Variants in FSIP2 observed in about 807,000 individuals in gnomAD.
FSIP2 encodes the protein fibrous sheath-interacting protein 2.
Under a neutral mutation model 510.5 loss-of-function variants are expected in FSIP2, and 367 were observed. The ratio of observed to expected loss-of-function variants is 0.72; its 90% CI spans 0.66 to 0.78. The LOEUF (loss-of-function observed/expected upper bound fraction) is 0.78, where lower values mean the gene tolerates loss of function less well. Among genes scored for constraint, FSIP2 ranks in the 30% least tolerant of loss-of-function variants. FSIP2 has a pLI of 0.00. For missense variants in FSIP2, 7,594 were observed against 7,901.7 expected (o/e 0.96, Z 1.48); for synonymous variants, 2,601 against 2,732.2 (o/e 0.95, Z 1.50).
chr2:185,808,876 CAT>C lies in FSIP2; in HGVS notation c.19571_19572del (p.His6524ArgfsTer28). Reference sequence around the variant, plus strand: ...GGAATCTCCAATTAAAATAGTTCCACATGTTGGAAAAAAACCAGTCAAAATAG... The same window carrying C: ...GGAATCTCCAATTAAAATAGTTCCACGTTGGAAAAAAACCAGTCAAAATAG... ...EEESPIKIVP[H>X]VGKKPVKIDP... On this transcript the variant is annotated frameshift_variant, in exon 17 of 23. Transcript: ENST00000424728. LOFTEE classifies it high-confidence loss of function. 6.2e-7 allele frequency: 1 copy of C among 1,608,322 alleles called. No individual in the cohort carries two copies. Among genetic ancestry groups the C allele is most frequent in the Non-Finnish European group, 8.5e-7 (1 of 1,178,272 alleles).
rs186689390 is a variant in FSIP2, at chr2:185,790,501, C to G, written c.3365C>G (p.Ser1122Cys). Residue 1122 changes from serine (S) to cysteine (C), a missense_variant, in exon 16 of 23, where the codon TCT becomes TGT. By Grantham distance (112) the Ser-to-Cys change is moderately radical. Coordinates refer to ENST00000424728, the MANE Select transcript of FSIP2 (RefSeq NM_173651.4). ...TTAAAGGAAATGCTCAAGGACATAT[C>G]TTCCGTTCCTTTTGGTCACTTAGAC... ...SILKEMLKDI[S>C]SVPFGHLDSK... 83 of 1,534,176 alleles carry G rather than the reference C, an allele frequency of 5.4e-5. No individual in the cohort carries two copies. The East Asian group carries it at 2.0e-3, about 37-fold the overall frequency.
intron 7 of FSIP2, among the ~76,000 whole-genome samples, chr2:185,747,753 T>C (rs1692062270): frequency 6.6e-6 from 1 of 152,120 alleles, no homozygotes; most frequent in South Asian, 2.1e-4. Context: ...CCAGTTAATT[T>C]TATTTAGCTT....
In FSIP2 at chr2:185,804,543, GTCT is replaced by G. The variant is rs976338016; in HGVS notation, c.15245_15247del (p.Ser5082del). 1.1e-5 allele frequency: 17 copies of G among 1,523,670 alleles called. No individual in the cohort carries two copies. Among genetic ancestry groups the G allele is most frequent in the African/African-American group, 1.4e-5 (1 of 72,440 alleles). The allele number at this position is 1,523,670 out of a possible 1,614,324, so 94.4% of individuals were successfully genotyped here. On this transcript the variant is annotated inframe_deletion, in exon 17 of 23. Coordinates refer to ENST00000424728, the MANE Select transcript of FSIP2 (RefSeq NM_173651.4). ...AGTCATTAGTTTCAGGAGAATTAGA[GTCT>G]TCTTCTTATTCGTATCCCCAAGCTG...
chr2:185,782,589 G>T, intron 13 of FSIP2, 116 bp from the exon 14 acceptor site: 1 of 684,444 alleles, frequency 1.5e-6, no homozygotes, highest in Non-Finnish European at 2.6e-6. Context: ...GAGAGTCCCT[G>T]AAAGCCTGTA....
intron 9 of FSIP2, among the ~76,000 whole-genome samples, chr2:185,759,927 T>G (rs551375145): frequency 1.5e-4 from 22 of 150,504 alleles, no homozygotes; most frequent in Admixed American, 4.7e-4. Context: ...GTGGAAAGGT[T>G]TAAACCTCAT....
chr2:185,761,925 G>T, intron 10 of FSIP2, 47 bp from the exon 11 acceptor site: 1 of 1,018,234 alleles, frequency 9.8e-7, no homozygotes, highest in Non-Finnish European at 1.4e-6. Flanking sequence ...TTTTTTGGAA[G>T]TACAGTTACT....
chr2:185,794,187 T>C lies in FSIP2; in HGVS notation c.7051T>C (p.Tyr2351His). 6.5e-7 allele frequency: 1 copy of C among 1,534,658 alleles called. No individual in the cohort carries two copies. The highest frequency in any genetic ancestry group is 8.7e-7 in the Non-Finnish European group (1 of 1,145,924). ...IHLSQARLKTYADVIASAILK... is the reference protein window; with the variant it reads ...IHLSQARLKTHADVIASAILK... Reference sequence around the variant, plus strand: ...CCTATCGCAAGCTAGGCTTAAGACATATGCTGACGTCATTGCCAGTGCCAT... The same window carrying C: ...CCTATCGCAAGCTAGGCTTAAGACACATGCTGACGTCATTGCCAGTGCCAT... Residue 2351 changes from tyrosine to histidine, a missense_variant, in exon 16 of 23, where the codon TAT becomes CAT. Transcript: ENST00000424728.
chr2:185,739,319 A>C lies in FSIP2; in HGVS notation c.100-27A>C, dbSNP rs758178280. Reference sequence around the variant, plus strand: ...AAACTAATACTGCCTAAAAGGAAAGACAAAACTCTCCAATTGTGTCTGACA... The same window carrying C: ...AAACTAATACTGCCTAAAAGGAAAGCCAAAACTCTCCAATTGTGTCTGACA... On this transcript the variant is annotated intron_variant, in intron 1 of 22. Transcript: ENST00000424728. 9 of 1,507,964 alleles carry C rather than the reference A, an allele frequency of 6.0e-6. No individual in the cohort carries two copies. In the South Asian group the frequency reaches 1.1e-4, roughly 19 times the overall value. The allele number at this position is 1,507,964 out of a possible 1,614,324, so 93.4% of individuals were successfully genotyped here.
At position 185,800,164 on chromosome 2, in the gene FSIP2, G is replaced by C. The variant is rs958702314; in HGVS notation, c.10858G>C (p.Glu3620Gln). The C allele has an allele frequency of 1.1e-5, 17 of 1,533,188 alleles. No individual in the cohort carries two copies. Among genetic ancestry groups the C allele is most frequent in the African/African-American group, 1.4e-5 (1 of 72,816 alleles). The allele number at this position is 1,533,188 out of a possible 1,614,324, so 95.0% of individuals were successfully genotyped here. A position where few individuals can be genotyped will look rare whatever the true frequency, so the allele number is the denominator to read the frequency against. The change falls in exon 17 of 23, where the codon GAA (glutamate) becomes CAA (glutamine). Residue 3620 changes from glutamate (E) to glutamine (Q), a missense_variant. Glu to Gln is a conservative substitution (Grantham distance 29, BLOSUM62 2). Transcript: ENST00000424728. ...GVIHVLSKEI[E>Q]VDYHFESNVR... ...GATTCATGTACTGTCCAAAGAAATA[G>C]AAGTAGATTATCACTTTGAAAGCAA...
rs1489131208 is a variant in FSIP2, at chr2:185,803,200, A to G, written c.13894A>G (p.Arg4632Gly). 1.3e-6 allele frequency: 2 copies of G among 1,532,632 alleles called. No individual in the cohort carries two copies. Among genetic ancestry groups the G allele is most frequent in the Admixed American group, 3.9e-5 (2 of 50,696 alleles). 94.9% of individuals were successfully genotyped at this position (1,532,632 alleles called of 1,614,324 possible). Residue 4632 changes from arginine (R) to glycine (G), a missense_variant, in exon 17 of 23, where the codon AGA becomes GGA. By Grantham distance (125) the Arg-to-Gly change is moderately radical. Transcript: ENST00000424728. ...GGAAGATGTAATCTCTGGGGTTTTAAGAAAAATATTCCACAGGGTAGTAGG... is the reference window on the plus strand; with the variant it reads ...GGAAGATGTAATCTCTGGGGTTTTAGGAAAAATATTCCACAGGGTAGTAGG... ...FLEDVISGVLRKIFHRVVGIV... is the reference protein window; with the variant it reads ...FLEDVISGVLGKIFHRVVGIV...
chr2:185,767,431 T>C (rs984491155), intron 13 of FSIP2, among the ~76,000 whole-genome samples: 2 of 152,174 alleles, frequency 1.3e-5, no homozygotes, highest in African/African-American at 4.8e-5. Context: ...TCTTCCACAC[T>C]TATTCATCTT....
intron 2 of FSIP2, among the ~76,000 whole-genome samples, chr2:185,740,899 C>G (rs1221390461): frequency 6.6e-6 from 1 of 152,054 alleles, no homozygotes; most frequent in African/African-American, 2.4e-5. Context: ...TGGGGGCATA[C>G]AGTCAATCTA....
Position 185,791,071 on chromosome 2 carries a change from T to C in FSIP2, c.3935T>C (p.Leu1312Pro), listed in dbSNP as rs1559026187. The part of the protein sequence containing the change: ...VLCAIQNELE[L>P]HKENLNLREI... ...TGTGCTATCCAGAATGAACTGGAAC[T>C]TCACAAGGAAAACCTAAATCTTAGG... Residue 1312 changes from leucine to proline, a missense_variant, in exon 16 of 23, where the codon CTT becomes CCT. Coordinates refer to ENST00000424728, the MANE Select transcript of FSIP2 (RefSeq NM_173651.4). 1 of 1,531,960 alleles carries C rather than the reference T, an allele frequency of 6.5e-7. No homozygotes were observed. Among genetic ancestry groups the C allele is most frequent in the Non-Finnish European group, 8.7e-7 (1 of 1,144,782 alleles). The allele number at this position is 1,531,960 out of a possible 1,614,324, so 94.9% of individuals were successfully genotyped here. A position where few individuals can be genotyped will look rare whatever the true frequency, so the allele number is the denominator to read the frequency against.
Position 185,792,144 on chromosome 2 carries a change from G to A in FSIP2, c.5008G>A (p.Glu1670Lys), listed in dbSNP as rs537101903. 1.2e-5 allele frequency: 18 copies of A among 1,533,330 alleles called. No homozygotes were observed. Among genetic ancestry groups the A allele is most frequent in the African/African-American group, 4.1e-5 (3 of 72,828 alleles). 95.0% of individuals were successfully genotyped at this position (1,533,330 alleles called of 1,614,324 possible). ...CTCATCAGATTTGAAGACAAGTGTAGAAAACCCACCACCTGAGACTCAAAT... is the reference window on the plus strand; with the variant it reads ...CTCATCAGATTTGAAGACAAGTGTAAAAAACCCACCACCTGAGACTCAAAT... ...VTSSDLKTSV[E>K]NPPPETQILK... The change falls in exon 16 of 23, where the codon GAA becomes AAA. Residue 1670 changes from glutamate (E) to lysine (K), a missense_variant. Coordinates refer to ENST00000424728, the MANE Select transcript of FSIP2 (RefSeq NM_173651.4).
At position 185,805,964 on chromosome 2, in the gene FSIP2, C is replaced by A. The variant is rs1452842566; in HGVS notation, c.16658C>A (p.Pro5553Gln). ...TTVKSKDTQE[P>Q]NLSETFNNNE... ...GTGAAAAGTAAAGATACTCAGGAGC[C>A]AAATTTGAGTGAAACATTTAATAAT... The change falls in exon 17 of 23, where the codon CCA becomes CAA. Residue 5553 changes from proline to glutamine, a missense_variant. By Grantham distance (76) the Pro-to-Gln change is moderately conservative. Coordinates refer to ENST00000424728, the MANE Select transcript of FSIP2 (RefSeq NM_173651.4). 6.4e-7 allele frequency: 1 copy of A among 1,567,156 alleles called. No homozygotes were observed.
chr2:185,754,869 A>G (rs1692212097), intron 8 of FSIP2, among the ~76,000 whole-genome samples: 2 of 151,550 alleles, frequency 1.3e-5, no homozygotes, highest in Non-Finnish European at 3.0e-5. Context: ...CAGTTTCGTT[A>G]TCTGCAAATG....
At chr2:185,817,069 TA>T (rs1194051669) in intron 19 of FSIP2, among the ~76,000 whole-genome samples, 2 of 151,690 alleles carry the variant, frequency 1.3e-5, no homozygotes, top group Non-Finnish European at 2.9e-5. Flanking sequence ...TCAAAATAGT[TA>T]AAAAAAATCT....
chr2:185,791,261 C>T lies in FSIP2; in HGVS notation c.4125C>T (p.Ser1375=), dbSNP rs761766250. The change falls in exon 16 of 23, where the codon AGC becomes AGT. Residue 1375 remains serine (S), a synonymous_variant. Transcript: ENST00000424728. ...CAAGTGAAAATGCACATCAAAGAAG[C>T]ATTTCACTCTCTTCTCGTAAGCCAA... ...LLSSENAHQR[S]ISLSSRKPKS... 5 of 1,533,888 alleles carry T rather than the reference C, an allele frequency of 3.3e-6. No homozygotes were observed. In the South Asian group the frequency reaches 6.0e-5, roughly 18 times the overall value.
At position 185,805,071 on chromosome 2, in the gene FSIP2, TG is replaced by T. The variant is rs761425583; in HGVS notation, c.15766del (p.Val5256SerfsTer25). 2 of 1,603,396 alleles carry T rather than the reference TG, an allele frequency of 1.2e-6. No homozygotes were observed. The highest frequency in any genetic ancestry group is 1.7e-6 in the Non-Finnish European group (2 of 1,176,592). On this transcript the variant is annotated frameshift_variant, in exon 17 of 23. Coordinates refer to ENST00000424728, the MANE Select transcript of FSIP2 (RefSeq NM_173651.4). LOFTEE classifies it high-confidence loss of function. Reference sequence around the variant, plus strand: ...TCAGTGACTTATCTGATTATGACCATGTCTCTGAACTTGCTAAATCTGGTAA... The same window carrying T: ...TCAGTGACTTATCTGATTATGACCATTCTCTGAACTTGCTAAATCTGGTAA... ...SFSDLSDYDH[V>X]SELAKSGKEK...
Sources: allele counts gnomAD v4.1 joint callset (sites outside exome capture counted in the v4.1 genomes callset), GRCh38; gene constraint gnomAD v4.1.1; transcripts MANE v1.5; gene names NCBI Gene and HGNC (gene_info 2026-07-23, HGNC 2026-07-21).